Variants in KCNIP4 observed in about 807,000 individuals in gnomAD.
The protein encoded by KCNIP4 is Kv channel-interacting protein 4.
Under a neutral mutation model 34.0 loss-of-function variants are expected in KCNIP4, and 12 were observed. That is an observed-to-expected ratio of 0.35 (90% CI 0.23 to 0.57). The LOEUF is 0.57. Among genes scored for constraint, KCNIP4 ranks in the 20% least tolerant of loss-of-function variants. The pLI, the probability that KCNIP4 is intolerant of heterozygous loss-of-function variation, is 0.83. For missense variants in KCNIP4, 238 were observed against 311.7 expected (o/e 0.76, Z 1.78); for synonymous variants, 124 against 102.2 (o/e 1.21, Z -1.29).
chr4:21,797,881 A>G (rs1239297628), intron 1 of KCNIP4, among the ~76,000 whole-genome samples: 1 of 152,198 alleles, frequency 6.6e-6, no homozygotes, highest in East Asian at 1.9e-4. Context: ...TTCCCATGTC[A>G]TTCCTAATGT....
At chr4:21,849,488 A>G (rs1178955650) in intron 1 of KCNIP4, 1 of 152,130 alleles carries the variant, frequency 6.6e-6, no homozygotes, top group Non-Finnish European at 1.5e-5. Flanking sequence ...ATTTTGCCTC[A>G]TAGAGACTGA....
At chr4:21,313,748 G>A (rs1489332917) in intron 1 of KCNIP4, among the ~76,000 whole-genome samples, 4 of 152,078 alleles carry the variant, frequency 2.6e-5, no homozygotes, top group South Asian at 4.1e-4. Flanking sequence ...AGTTTATTAT[G>A]AGCAGACTAA....
intron 1 of KCNIP4, among the ~76,000 whole-genome samples, chr4:21,354,313 G>T (rs557878696): frequency 1.3e-5 from 2 of 152,274 alleles, no homozygotes; most frequent in African/African-American, 2.4e-5. Flanking sequence ...AACCTTAAAT[G>T]TAAATGGGCT....
At chr4:21,444,819 A>G (rs1456958397) in intron 1 of KCNIP4, among the ~76,000 whole-genome samples, 6 of 152,200 alleles carry the variant, frequency 3.9e-5, no homozygotes, top group Non-Finnish European at 7.3e-5. Flanking sequence ...TCAATTAGGA[A>G]AAGAGGAAGT....
chr4:21,713,123 T>C lies in KCNIP4; in HGVS notation c.61+235448A>G, dbSNP rs189792259. On this transcript the variant is annotated intron_variant, in intron 1 of 8. Coordinates refer to ENST00000382152, the MANE Select transcript of KCNIP4 (RefSeq NM_025221.6). Reference sequence around the variant, plus strand: ...GCCTAGGCCTCAATTTCCTCATGGGTAAAGGAAGCTAATAAGGTCTACCTA... The same window carrying C: ...GCCTAGGCCTCAATTTCCTCATGGGCAAAGGAAGCTAATAAGGTCTACCTA... 3.9e-5 allele frequency among the ~76,000 whole-genome samples: 6 copies of C among 152,276 alleles called. No homozygotes were observed. The East Asian group carries it at 1.2e-3, about 29-fold the overall frequency.
chr4:21,633,954 G>C (rs184362249), intron 1 of KCNIP4, among the ~76,000 whole-genome samples: 3 of 151,770 alleles, frequency 2.0e-5, no homozygotes, highest in Non-Finnish European at 4.4e-5. Flanking sequence ...TCTGCTTCTG[G>C]ATTTAGTCTG....
At chr4:20,829,160 G>C (rs1329951443) in intron 3 of KCNIP4, among the ~76,000 whole-genome samples, 1 of 152,072 alleles carries the variant, frequency 6.6e-6, no homozygotes, top group Non-Finnish European at 1.5e-5. Context: ...TTAAGACGAA[G>C]GTCCAGTCTT....
intron 1 of KCNIP4, among the ~76,000 whole-genome samples, chr4:21,376,975 G>T (rs1350971401): frequency 6.6e-6 from 1 of 152,186 alleles, no homozygotes; most frequent in South Asian, 2.1e-4. Context: ...ATTTCTTTAC[G>T]ATCAAACGAA....
chr4:21,654,878 C>T (rs575155290), intron 1 of KCNIP4, among the ~76,000 whole-genome samples: 1 of 151,764 alleles, frequency 6.6e-6, no homozygotes, highest in Non-Finnish European at 1.5e-5. Flanking sequence ...GAGCAGAGAT[C>T]GCGCCACTGC....
intron 1 of KCNIP4, among the ~76,000 whole-genome samples, chr4:21,565,090 A>G (rs570832018): frequency 1.3e-5 from 2 of 152,240 alleles, no homozygotes; most frequent in South Asian, 4.1e-4. Context: ...TACAATGGAG[A>G]TAAAAATCCT....
intron 1 of KCNIP4, among the ~76,000 whole-genome samples, chr4:21,209,462 T>C (rs867268136): frequency 4.7e-4 from 72 of 152,168 alleles, no homozygotes; most frequent in African/African-American, 1.6e-3. Flanking sequence ...TTCTGTGAGA[T>C]TAACTTATTT....
chr4:21,259,310 T>C (rs1172273527), intron 1 of KCNIP4, among the ~76,000 whole-genome samples: 4 of 152,242 alleles, frequency 2.6e-5, no homozygotes, highest in African/African-American at 9.6e-5. Flanking sequence ...GCCTAGTTCA[T>C]GTGGTCAAAT....
intron 5 of KCNIP4, among the ~76,000 whole-genome samples, chr4:20,738,385 C>T (rs568824580): frequency 2.7e-4 from 41 of 152,250 alleles, no homozygotes; most frequent in Non-Finnish European, 3.7e-4. Flanking sequence ...AACACAGTCA[C>T]CTGGGGAGTG....
chr4:21,383,298 G>T (rs1350050971), intron 1 of KCNIP4, among the ~76,000 whole-genome samples: 1 of 135,026 alleles, frequency 7.4e-6, no homozygotes. Context: ...AATACATTTA[G>T]CAAGTTATAA....
At chr4:21,872,625 T>C (rs1352737134) in intron 1 of KCNIP4, among the ~76,000 whole-genome samples, 1 of 152,172 alleles carries the variant, frequency 6.6e-6, no homozygotes. Context: ...ATAAAAGTTA[T>C]CTTAAGAAGG....
intron 1 of KCNIP4, among the ~76,000 whole-genome samples, chr4:21,586,491 C>A (rs1054434647): frequency 1.3e-5 from 2 of 151,950 alleles, no homozygotes; most frequent in African/African-American, 4.8e-5. Flanking sequence ...GTGGGAGCAG[C>A]AGTGAGATCC....
intron 1 of KCNIP4, among the ~76,000 whole-genome samples, chr4:21,465,232 T>C (rs1171952956): frequency 6.6e-6 from 1 of 152,150 alleles, no homozygotes; most frequent in Non-Finnish European, 1.5e-5. Flanking sequence ...ATAGTAAACA[T>C]ACACTTGATT....
At position 21,243,255 on chromosome 4, in the gene KCNIP4, C is replaced by T. The variant is rs73802517; in HGVS notation, c.62-360546G>A. Among the ~76,000 whole-genome samples, 1,389 of 152,112 alleles carry T rather than the reference C, an allele frequency of 9.1e-3. 22 individuals carry two copies. The highest frequency in any genetic ancestry group is 0.031 in the African/African-American group (1,284 of 41,500). On this transcript the variant is annotated intron_variant, in intron 1 of 8. Transcript: ENST00000382152. ...ATTTTCATTAATTTATTGTGATCATCAAAGGTACAATAAAGACTTCAAAGT... is the reference window on the plus strand; with the variant it reads ...ATTTTCATTAATTTATTGTGATCATTAAAGGTACAATAAAGACTTCAAAGT...
chr4:21,697,256 C>A, intron 1 of KCNIP4: 1 of 1,314,528 alleles, frequency 7.6e-7, no homozygotes, highest in South Asian at 2.3e-5. Context: ...ATAATCACAA[C>A]AAAGAAATAG....
Sources: gnomAD v4.1 joint callset for allele counts (sites outside exome capture counted in the v4.1 genomes callset) on GRCh38, gnomAD v4.1.1 for gene constraint, MANE v1.5 for transcripts, NCBI Gene and HGNC (gene_info 2026-07-23, HGNC 2026-07-21) for gene names.